SEMA6A: variants seen among roughly 807,000 people sequenced by gnomAD.
The protein encoded by SEMA6A is semaphorin-6A.
Under a neutral mutation model 96.8 loss-of-function variants are expected in SEMA6A, and 25 were observed. The ratio of observed to expected loss-of-function variants is 0.26; its 90% confidence interval spans 0.19 to 0.36. The LOEUF is 0.36. Among genes scored for constraint, SEMA6A ranks in the 10% least tolerant of loss-of-function variants. SEMA6A has a pLI of 1.00. For synonymous variants in SEMA6A, 612 were observed against 518.0 expected (o/e 1.18, Z -2.46); for missense variants, 1,363 against 1,323.1 (o/e 1.03, Z -0.47).
intron 1 of SEMA6A, chr5:116,550,563 A>G (rs1463979900): frequency 6.6e-6 from 1 of 152,120 alleles, no homozygotes; most frequent in African/African-American, 2.4e-5. Flanking sequence ...TTTAAGTACC[A>G]TTTTTTGAAG....
At position 116,498,904 on chromosome 5, in the gene SEMA6A, G is replaced by A. The variant is rs182403074; in HGVS notation, c.219-1517C>T. On this transcript the variant is annotated intron_variant, in intron 3 of 18. Coordinates refer to ENST00000343348, the MANE Select transcript of SEMA6A (RefSeq NM_020796.5). ...AATGAACAACTGATTAATATGCATT[G>A]GCAGCTCCTCAGAAAGCTCTCAGAT... 35 of 152,202 alleles carry A rather than the reference G, an allele frequency of 2.3e-4. 1 individual carries two copies. The highest frequency in any genetic ancestry group is 9.2e-4 in the Admixed American group (14 of 15,282). The allele number at this position is 152,202 out of a possible 1,614,324, so 9.4% of individuals were successfully genotyped here. A position where few individuals can be genotyped will look rare whatever the true frequency, so the allele number is the denominator to read the frequency against.
Position 116,478,621 on chromosome 5 carries a change from A to G in SEMA6A, c.1348T>C (p.Phe450Leu). 1.9e-6 allele frequency: 3 copies of G among 1,613,606 alleles called. No homozygotes were observed. The highest frequency in any genetic ancestry group is 2.5e-6 in the Non-Finnish European group (3 of 1,179,794). Residue 450 changes from phenylalanine (F) to leucine (L), a missense_variant, in exon 13 of 19, where the codon TTT (phenylalanine) becomes CTT (leucine). Phe to Leu is a conservative substitution (Grantham distance 22, BLOSUM62 0). This residue lies in a region of SEMA6A where 883 missense variants were observed against 763.6 expected (regional missense o/e 1.16). Coordinates refer to ENST00000343348, the MANE Select transcript of SEMA6A (RefSeq NM_020796.5). ...CCACTATTTCCTATTCTGGCCAAAA[A>G]CTTCAAGATGATTCCCTTCTCTGAT... ...LGSEKGIILK[F>L]LARIGNSGFL...
intron 1 of SEMA6A, among the ~76,000 whole-genome samples, chr5:116,522,289 A>T (rs577580021): frequency 1.1e-3 from 166 of 152,296 alleles, no homozygotes; most frequent in Middle Eastern, 3.4e-3. Context: ...ACTATTTTTT[A>T]AACTCTTTGT....
At chr5:116,498,188 A>G (rs1757695526) in intron 3 of SEMA6A, among the ~76,000 whole-genome samples, 1 of 152,288 alleles carries the variant, frequency 6.6e-6, no homozygotes, top group South Asian at 2.1e-4. Context: ...ACTACACTCA[A>G]CAGAGGAGAT....
intron 1 of SEMA6A, among the ~76,000 whole-genome samples, chr5:116,566,208 A>AGCGTAGAGGGGCAGAAGGGCTAAGAAAG (rs1761021886): frequency 6.6e-6 from 1 of 152,196 alleles, no homozygotes; most frequent in Non-Finnish European, 1.5e-5. Flanking sequence ...TGGTCTTTGA[A>AGCGTAGAGGGGCAGAAGGGCTAAGAAAG]GCGTAGAGGG....
intron 18 of SEMA6A, among the ~76,000 whole-genome samples, chr5:116,463,768 G>C (rs1315624874): frequency 3.3e-5 from 5 of 152,114 alleles, no homozygotes; most frequent in Admixed American, 3.3e-4. Context: ...TTACTATTTT[G>C]TCTGTTTTCT....
intron 1 of SEMA6A, among the ~76,000 whole-genome samples, chr5:116,510,365 A>G (rs1758350834): frequency 6.6e-6 from 1 of 152,228 alleles, no homozygotes; most frequent in African/African-American, 2.4e-5. Flanking sequence ...ATTGATTTAA[A>G]AACTCCTACG....
At chr5:116,557,903 G>A (rs1760670341) in intron 1 of SEMA6A, among the ~76,000 whole-genome samples, 1 of 152,154 alleles carries the variant, frequency 6.6e-6, no homozygotes, top group East Asian at 1.9e-4. Flanking sequence ...AGAAACAAGC[G>A]ATAGCACAAC....
chr5:116,452,900 G>A (rs1408771174), intron 18 of SEMA6A, among the ~76,000 whole-genome samples: 1 of 152,210 alleles, frequency 6.6e-6, no homozygotes, highest in Non-Finnish European at 1.5e-5. Flanking sequence ...TGTCGGGGAA[G>A]GACAATGATG....
At chr5:116,478,782 C>T in intron 12 of SEMA6A, 64 bp from the exon 13 acceptor site, 1 of 1,495,278 alleles carries the variant, frequency 6.7e-7, no homozygotes, top group Non-Finnish European at 9.1e-7. Flanking sequence ...TTCCCTGTTC[C>T]ACTTCAAACA....
At chr5:116,467,783 C>T (rs768384145) in intron 17 of SEMA6A, 36 bp from the exon 18 acceptor site, 68 of 1,607,500 alleles carry the variant, frequency 4.2e-5, no homozygotes, top group Non-Finnish European at 5.6e-5. Context: ...GAAAACATCA[C>T]CAGAGAGACC....
intron 1 of SEMA6A, among the ~76,000 whole-genome samples, chr5:116,551,484 A>T (rs1254313088): frequency 6.6e-6 from 1 of 152,180 alleles, no homozygotes; most frequent in Non-Finnish European, 1.5e-5. Context: ...GAATGTATAC[A>T]TATGGACTAA....
chr5:116,465,620 C>A (rs1484681678), intron 18 of SEMA6A, among the ~76,000 whole-genome samples: 4 of 152,108 alleles, frequency 2.6e-5, no homozygotes, highest in Admixed American at 2.6e-4. Flanking sequence ...TAATAAGACC[C>A]AAGAGAATGA....
rs1209721783 is a variant in SEMA6A at position 116,478,689 on chromosome 5, G to A, written c.1280C>T (p.Thr427Ile). Reference protein sequence around the residue: ...RYRLTKIAVDTAAGPYQNHTV... With the variant: ...RYRLTKIAVDIAAGPYQNHTV... ...GTGATTCTGATATGGCCCAGCAGCTGTGTCCACTGCAATTTTGGTAAGGCG... is the reference window on the plus strand; with the variant it reads ...GTGATTCTGATATGGCCCAGCAGCTATGTCCACTGCAATTTTGGTAAGGCG... The change falls in exon 13 of 19, where the codon ACA (threonine) becomes ATA (isoleucine). Residue 427 changes from threonine to isoleucine, a missense_variant. Physicochemically the swap from Thr to Ile is moderately conservative, Grantham distance 89. This residue lies in a region of SEMA6A where 480 missense variants were observed against 559.5 expected (regional missense o/e 0.86). Transcript: ENST00000343348. 6.2e-7 allele frequency: 1 copy of A among 1,612,960 alleles called. No homozygotes were observed. Among genetic ancestry groups the A allele is most frequent in the Non-Finnish European group, 8.5e-7 (1 of 1,179,648 alleles).
chr5:116,563,010 G>C (rs1760881856), intron 1 of SEMA6A: 9 of 540,776 alleles, frequency 1.7e-5, no homozygotes, highest in Admixed American at 1.3e-4. Context: ...GTCGCCATCT[G>C]TGAACAAGAC....
chr5:116,466,500 T>A (rs1207558091), intron 18 of SEMA6A, among the ~76,000 whole-genome samples: 1 of 152,150 alleles, frequency 6.6e-6, no homozygotes, highest in Non-Finnish European at 1.5e-5. Flanking sequence ...ATCTTTATAT[T>A]TTGACTTGGC....
chr5:116,555,478 C>T (rs1436653521), intron 1 of SEMA6A, among the ~76,000 whole-genome samples: 1 of 152,178 alleles, frequency 6.6e-6, no homozygotes, highest in African/African-American at 2.4e-5. Flanking sequence ...GTTAATGCCA[C>T]ATATAACAAA....
chr5:116,557,039 T>C (rs942039722), intron 1 of SEMA6A, among the ~76,000 whole-genome samples: 9 of 152,200 alleles, frequency 5.9e-5, no homozygotes. Flanking sequence ...CACCACCATT[T>C]AGGTTGTAGG....
chr5:116,460,241 G>A lies in SEMA6A; in HGVS notation c.1894+7342C>T, dbSNP rs191305127. Among the ~76,000 whole-genome samples, 31 of 152,150 alleles carry A rather than the reference G, an allele frequency of 2.0e-4. 1 individual carries two copies. The East Asian group carries it at 6.0e-3, about 29-fold the overall frequency. On this transcript the variant is annotated intron_variant, in intron 18 of 18. Transcript: ENST00000343348. ...TTCTGAGCCTTCCTTACTTGAAAGT[G>A]GCATTTGAAAGCCTGTTTTCAATAA...
Sources: gnomAD v4.1 joint callset for allele counts (sites outside exome capture counted in the v4.1 genomes callset) on GRCh38, gnomAD v4.1.1 for gene constraint, gnomAD v4.1.1 regional missense constraint, MANE v1.5 for transcripts, NCBI Gene and HGNC (gene_info 2026-07-23, HGNC 2026-07-21) for gene names.